STXBP5L: variants seen among roughly 807,000 people sequenced by gnomAD.
The protein encoded by STXBP5L is syntaxin binding protein 5L.
STXBP5L carries 65 observed loss-of-function variants against 144.5 expected under a neutral mutation model. That is an observed-to-expected ratio of 0.45 (90% CI 0.37 to 0.55). The LOEUF is 0.55. Among genes scored for constraint, STXBP5L ranks in the 20% least tolerant of loss-of-function variants. STXBP5L has a pLI of 0.00. For synonymous variants in STXBP5L, 505 were observed against 469.6 expected (o/e 1.08, Z -0.97); for missense variants, 1,298 against 1,405.5 (o/e 0.92, Z 1.22).
At chr3:121,243,591 C>G (rs187643842) in intron 14 of STXBP5L, among the ~76,000 whole-genome samples, 44 of 151,058 alleles carry the variant, frequency 2.9e-4, no homozygotes, top group Non-Finnish European at 8.8e-5. Context: ...TTCCTACTTG[C>G]CCCGAGAATA....
chr3:121,174,386 C>A (rs1359133964), intron 9 of STXBP5L, among the ~76,000 whole-genome samples: 1 of 151,996 alleles, frequency 6.6e-6, no homozygotes, highest in Non-Finnish European at 1.5e-5. Context: ...TAGGCTAAAG[C>A]TGTTTGTCTG....
chr3:121,028,327 CTAGT>C (rs1946103174), intron 3 of STXBP5L, among the ~76,000 whole-genome samples: 1 of 151,902 alleles, frequency 6.6e-6, no homozygotes, highest in African/African-American at 2.4e-5. Flanking sequence ...TTTCTTTTCT[CTAGT>C]TGATATTATT....
At chr3:121,003,225 C>T (rs1356224207) in intron 3 of STXBP5L, among the ~76,000 whole-genome samples, 3 of 152,104 alleles carry the variant, frequency 2.0e-5, no homozygotes, top group African/African-American at 7.2e-5. Context: ...CTGTTGTTTC[C>T]TGACTTTTTA....
At chr3:121,073,525 G>T (rs1004261064) in intron 5 of STXBP5L, among the ~76,000 whole-genome samples, 1 of 152,128 alleles carries the variant, frequency 6.6e-6, no homozygotes, top group African/African-American at 2.4e-5. Flanking sequence ...AATATGCCGT[G>T]GGCCAGTACC....
At chr3:121,193,312 T>C (rs145657901) in intron 9 of STXBP5L, among the ~76,000 whole-genome samples, 1 of 142,384 alleles carries the variant, frequency 7.0e-6, no homozygotes, top group African/African-American at 2.6e-5. Context: ...CATTAAAAAG[T>C]CAGGAAACAA....
At chr3:121,147,319 C>T (rs946646822) in intron 7 of STXBP5L, among the ~76,000 whole-genome samples, 1 of 151,982 alleles carries the variant, frequency 6.6e-6, no homozygotes, top group African/African-American at 2.4e-5. Flanking sequence ...AATGAAAAAT[C>T]CCCTAATTGT....
intron 5 of STXBP5L, among the ~76,000 whole-genome samples, chr3:121,050,537 G>A (rs995402987): frequency 6.6e-6 from 1 of 152,036 alleles, no homozygotes; most frequent in Non-Finnish European, 1.5e-5. Context: ...CAAATGCTGA[G>A]AGATTTTGTC....
intron 8 of STXBP5L, among the ~76,000 whole-genome samples, chr3:121,154,057 A>G (rs961068157): frequency 1.3e-5 from 2 of 151,882 alleles, no homozygotes; most frequent in Non-Finnish European, 2.9e-5. Flanking sequence ...TAGCTTTCCT[A>G]TGGCCTTAAA....
Position 121,154,557 on chromosome 3 carries a change from G to A in STXBP5L, c.753+1997G>A, listed in dbSNP as rs975262441. The stretch of plus-strand genomic sequence containing the variant: ...GATTTTTCCCTTAGCTCTCCTTTAC[G>A]TTATTGATATTCTTCAGGATATTAT... On this transcript the variant is annotated intron_variant, in intron 8 of 26. Coordinates refer to ENST00000471454, the MANE Select transcript of STXBP5L (RefSeq NM_001308330.2). 4.0e-5 allele frequency among the ~76,000 whole-genome samples: 6 copies of A among 151,162 alleles called. No individual in the cohort carries two copies. The East Asian group carries it at 7.8e-4, about 20-fold the overall frequency.
At chr3:121,240,605 G>C (rs369783214) in intron 14 of STXBP5L, 98 bp downstream of exon 14, 1 of 1,134,742 alleles carries the variant, frequency 8.8e-7, no homozygotes. Flanking sequence ...CAGAATAATA[G>C]TTTAAGTAAA....
intron 14 of STXBP5L, among the ~76,000 whole-genome samples, chr3:121,250,360 A>C (rs922304556): frequency 6.6e-6 from 1 of 152,034 alleles, no homozygotes; most frequent in African/African-American, 2.4e-5. Flanking sequence ...TATGATATTC[A>C]ATTCATATTT....
At chr3:120,912,565 A>G (rs1417334209) in intron 2 of STXBP5L, among the ~76,000 whole-genome samples, 2 of 151,710 alleles carry the variant, frequency 1.3e-5, no homozygotes, top group Non-Finnish European at 3.0e-5. Flanking sequence ...TAAACAAAAT[A>G]TCTATGAGAT....
At chr3:120,957,291 T>A (rs1576483490) in intron 3 of STXBP5L, among the ~76,000 whole-genome samples, 1 of 152,038 alleles carries the variant, frequency 6.6e-6, no homozygotes, top group Non-Finnish European at 1.5e-5. Context: ...CTTATTGAAA[T>A]GATCGGATAG....
intron 5 of STXBP5L, among the ~76,000 whole-genome samples, chr3:121,114,528 G>A (rs552844052): frequency 1.3e-5 from 2 of 152,224 alleles, no homozygotes; most frequent in South Asian, 4.1e-4. Flanking sequence ...AAAAAATGTA[G>A]CTTAGTGAAA....
At chr3:121,376,870 T>A (rs899370156) in intron 20 of STXBP5L, among the ~76,000 whole-genome samples, 5 of 152,172 alleles carry the variant, frequency 3.3e-5, no homozygotes, top group African/African-American at 1.2e-4. Flanking sequence ...GCATGGAATG[T>A]TTTTCCATTT....
intron 5 of STXBP5L, among the ~76,000 whole-genome samples, chr3:121,090,480 G>T (rs2042723380): frequency 6.6e-6 from 1 of 152,058 alleles, no homozygotes; most frequent in Non-Finnish European, 1.5e-5. Context: ...TATAGATGTA[G>T]AAAATATTAT....
intron 25 of STXBP5L, among the ~76,000 whole-genome samples, chr3:121,417,730 G>A (rs186190347): frequency 6.6e-6 from 1 of 152,234 alleles, no homozygotes; most frequent in South Asian, 2.1e-4. Context: ...CTCCCAAAGT[G>A]TTGGGATTAC....
chr3:121,252,589 T>C (rs370416706), intron 15 of STXBP5L, among the ~76,000 whole-genome samples: 1 of 152,170 alleles, frequency 6.6e-6, no homozygotes, highest in South Asian at 2.1e-4. Flanking sequence ...TCCAACTTAA[T>C]GGATGTCTTA....
chr3:120,969,586 G>T (rs140637226), intron 3 of STXBP5L, among the ~76,000 whole-genome samples: 1 of 151,712 alleles, frequency 6.6e-6, no homozygotes, highest in Admixed American at 6.6e-5. Context: ...TGTTGTATTT[G>T]CTTTTGGAGT....
Sources: allele counts gnomAD v4.1 joint callset (sites outside exome capture counted in the v4.1 genomes callset), GRCh38; gene constraint gnomAD v4.1.1; transcripts MANE v1.5; gene names NCBI Gene and HGNC (gene_info 2026-07-23, HGNC 2026-07-21).